Variants in KLF15 observed in about 807,000 individuals in gnomAD.
KLF15 encodes the protein KLF transcription factor 15.
In KLF15, 4 loss-of-function variants were observed where a neutral mutation model predicts 24.6. That is an observed-to-expected ratio of 0.16 (90% CI 0.08 to 0.37). KLF15 has a LOEUF of 0.37. Ranked by LOEUF, KLF15 falls within the 10% of genes least tolerant of loss-of-function variation. The pLI is 1.00. For synonymous variants in KLF15, 246 were observed against 236.3 expected, an observed-to-expected ratio of 1.04 and a Z score of -0.37; for missense variants, 496 against 560.6, an observed-to-expected ratio of 0.88 and a Z score of 1.16.
At chr3:126,330,465 C>T in the KLF15 span, among the ~76,000 whole-genome samples, 4 of 152,056 alleles carry the variant, frequency 2.6e-5, no homozygotes, top group Admixed American at 6.6e-5. Flanking sequence ...CATTTTCGGC[C>T]CTTCCGGACA....
chr3:126,327,888 T>C, the KLF15 span, among the ~76,000 whole-genome samples: 25 of 152,232 alleles, frequency 1.6e-4, no homozygotes, highest in African/African-American at 6.0e-4. Flanking sequence ...TATACTTTTA[T>C]ATGTGGATTT....
the KLF15 span, among the ~76,000 whole-genome samples, chr3:126,328,455 C>T: frequency 6.6e-6 from 1 of 152,126 alleles, no homozygotes; most frequent in African/African-American, 2.4e-5. Context: ...CTAGTAGTGG[C>T]ATTGCTGGAT....
At chr3:126,317,442 G>A in the KLF15 span, among the ~76,000 whole-genome samples, 7 of 152,152 alleles carry the variant, frequency 4.6e-5, no homozygotes, top group Admixed American at 1.3e-4. Flanking sequence ...GCAACTTCGC[G>A]ATAAGATCTC....
chr3:126,342,278 T>C (rs1213046816), downstream of KLF15, among the ~76,000 whole-genome samples: 2 of 152,126 alleles, frequency 1.3e-5, no homozygotes, highest in Non-Finnish European at 2.9e-5. Context: ...TTTGGTGGAC[T>C]GGATGGGGGT....
At chr3:126,316,659 G>A in the KLF15 span, among the ~76,000 whole-genome samples, 3 of 148,198 alleles carry the variant, frequency 2.0e-5, no homozygotes, top group African/African-American at 7.7e-5. Flanking sequence ...GTAGGGAAGG[G>A]AGTGCACAGG....
chr3:126,332,308 C>T, the KLF15 span, among the ~76,000 whole-genome samples: 4 of 148,306 alleles, frequency 2.7e-5, no homozygotes, highest in African/African-American at 9.9e-5. Flanking sequence ...CCAGCAGGGG[C>T]ACACTGACAC....
At chr3:126,341,266 C>A (rs1195833248), downstream of KLF15, among the ~76,000 whole-genome samples, 1 of 152,186 alleles carries the variant, frequency 6.6e-6, no homozygotes, top group Non-Finnish European at 1.5e-5. Context: ...ACACTCCCTG[C>A]CACAAGACAA....
the KLF15 span, among the ~76,000 whole-genome samples, chr3:126,300,667 T>C: frequency 6.6e-6 from 1 of 152,190 alleles, no homozygotes; most frequent in African/African-American, 2.4e-5. Flanking sequence ...CTCACCCCTG[T>C]GAAAGACCCA....
chr3:126,339,213 C>A (rs1388032089), downstream of KLF15, among the ~76,000 whole-genome samples: 2 of 152,196 alleles, frequency 1.3e-5, no homozygotes, highest in African/African-American at 4.8e-5. Flanking sequence ...CGAGCCAGAG[C>A]CCGAGCTGTC....
At chr3:126,312,864 G>T in the KLF15 span, among the ~76,000 whole-genome samples, 9 of 152,278 alleles carry the variant, frequency 5.9e-5, no homozygotes, top group South Asian at 2.1e-4. Context: ...TCTGCTGGTG[G>T]TTGGAGCCCT....
chr3:126,300,702 T>C, the KLF15 span, among the ~76,000 whole-genome samples: 1 of 152,176 alleles, frequency 6.6e-6, no homozygotes, highest in Non-Finnish European at 1.5e-5. Context: ...TGCAGCGACT[T>C]CCTCCACAGA....
At chr3:126,297,660 A>T in the KLF15 span, among the ~76,000 whole-genome samples, 1 of 152,130 alleles carries the variant, frequency 6.6e-6, no homozygotes, top group Non-Finnish European at 1.5e-5. Flanking sequence ...TCGCATCCTC[A>T]TAGCTTAGCT....
At chr3:126,339,453 C>G (rs1485523764), downstream of KLF15, among the ~76,000 whole-genome samples, 1 of 152,214 alleles carries the variant, frequency 6.6e-6, no homozygotes, top group Non-Finnish European at 1.5e-5. Context: ...TCCCGGCCCC[C>G]CAGGGCACAT....
chr3:126,296,369 G>A, the KLF15 span, among the ~76,000 whole-genome samples: 3 of 152,068 alleles, frequency 2.0e-5, no homozygotes, highest in African/African-American at 7.2e-5. Context: ...CACCATGCCC[G>A]GCTAATTTTT....
chr3:126,311,771 C>CCGT, the KLF15 span, among the ~76,000 whole-genome samples: 1 of 152,224 alleles, frequency 6.6e-6, no homozygotes, highest in African/African-American at 2.4e-5. Flanking sequence ...ACCCCCTGAG[C>CCGT]CGTCCTCTGC....
the KLF15 span, among the ~76,000 whole-genome samples, chr3:126,301,610 C>CTTTT: frequency 9.8e-5 from 13 of 132,286 alleles, no homozygotes; most frequent in Admixed American, 2.5e-4. Flanking sequence ...TTTTCTTTTT[C>CTTTT]TTTTTTTTTT....
chr3:126,345,012 TC>T (rs756314160), intron 2 of KLF15, among the ~76,000 whole-genome samples: 96 of 148,976 alleles, frequency 6.4e-4, no homozygotes, highest in Non-Finnish European at 1.2e-3. Flanking sequence ...CGACACACTA[TC>T]CCGCTCTGTG....
chr3:126,352,900 A>G lies in KLF15; in HGVS notation c.23T>C (p.Val8Ala). The G allele has an allele frequency of 6.2e-7, 1 of 1,608,680 alleles. No homozygotes were observed. The highest frequency in any genetic ancestry group is 1.7e-5 in the Admixed American group (1 of 59,794). ...TTTTGGCGACGAGAAGTTCTCGTCC[A>G]CTGGAAGTAAGTGGTCCACCATGCT... is the stretch of plus-strand genomic sequence containing the variant. MVDHLLP[V>A]DENFSSPKCP... Residue 8 changes from valine to alanine, a missense_variant, in exon 2 of 3, where the codon GTG (valine) becomes GCG (alanine). This residue lies in a region of KLF15 where 399 missense variants were observed against 423.1 expected (regional missense o/e 0.94). Coordinates refer to ENST00000296233, the MANE Select transcript of KLF15 (RefSeq NM_014079.4).
the KLF15 span, among the ~76,000 whole-genome samples, chr3:126,303,421 C>G: frequency 6.6e-6 from 1 of 152,012 alleles, no homozygotes; most frequent in Non-Finnish European, 1.5e-5. Context: ...TAACAATCCT[C>G]CCCCATCCTC....
Sources: gnomAD v4.1 joint callset for allele counts (sites outside exome capture counted in the v4.1 genomes callset) on GRCh38, gnomAD v4.1.1 for gene constraint, gnomAD v4.1.1 regional missense constraint, MANE v1.5 for transcripts, NCBI Gene and HGNC (gene_info 2026-07-23, HGNC 2026-07-21) for gene names.